The following CNTN5 variants were observed in gnomAD, a reference collection of about 807,000 sequenced individuals.
The protein encoded by CNTN5 is contactin-5.
Under a neutral mutation model 129.1 loss-of-function variants are expected in CNTN5, and 77 were observed. That is an observed-to-expected ratio of 0.60 (90% CI 0.50 to 0.72). The LOEUF is 0.72. CNTN5 is among the 30% of genes least tolerant of loss of function. The probability of loss-of-function intolerance (pLI) is 0.00; values close to 1 mark genes in which losing one functional copy is unlikely to be tolerated. For synonymous variants in CNTN5, 509 were observed against 465.6 expected (o/e 1.09, Z -1.20); for missense variants, 1,478 against 1,328.8 (o/e 1.11, Z -1.75).
chr11:99,846,240 C>T (rs1268064632), intron 6 of CNTN5, among the ~76,000 whole-genome samples: 1 of 150,504 alleles, frequency 6.6e-6, no homozygotes, highest in African/African-American at 2.4e-5. Flanking sequence ...TGCCTGTAGA[C>T]ACAGCTACCT....
chr11:100,283,304 C>A (rs1013425833), intron 18 of CNTN5, among the ~76,000 whole-genome samples: 3 of 152,092 alleles, frequency 2.0e-5, no homozygotes, highest in Non-Finnish European at 4.4e-5. Flanking sequence ...ATCCAAGAAG[C>A]AAGAAAAAGT....
At position 99,956,820 on chromosome 11, in the gene CNTN5, T is replaced by A; in HGVS notation, c.688T>A (p.Trp230Arg). 1 of 1,613,862 alleles carries A rather than the reference T, an allele frequency of 6.2e-7. No homozygotes were observed. The change falls in exon 8 of 25, where the codon TGG becomes AGG. Residue 230 changes from tryptophan (W) to arginine (R), a missense_variant. By Grantham distance (101) the Trp-to-Arg change is moderately radical. Transcript: ENST00000524871. ...PPHSPEIIYSWVFNEFPSFVA... is the reference protein window; with the variant it reads ...PPHSPEIIYSRVFNEFPSFVA... ...TGTATTTTCAGAGATCATCTATAGC[T>A]GGGTATTTAATGAGTTCCCTTCCTT...
At chr11:99,357,258 C>A (rs1404812647) in intron 2 of CNTN5, among the ~76,000 whole-genome samples, 1 of 152,206 alleles carries the variant, frequency 6.6e-6, no homozygotes, top group East Asian at 1.9e-4. Context: ...TTTTAAAATT[C>A]TCAGACTTCA....
chr11:99,991,913 C>T (rs951495783), intron 8 of CNTN5, among the ~76,000 whole-genome samples: 1 of 152,116 alleles, frequency 6.6e-6, no homozygotes, highest in Non-Finnish European at 1.5e-5. Context: ...GTGTCCATAC[C>T]AAGTTAATAA....
intron 3 of CNTN5, among the ~76,000 whole-genome samples, chr11:99,663,605 G>A (rs975174067): frequency 6.6e-6 from 1 of 152,188 alleles, no homozygotes; most frequent in Non-Finnish European, 1.5e-5. Context: ...CCAAGGGAGA[G>A]AGGGAGGTGA....
chr11:99,247,861 T>C (rs1028548089), intron 1 of CNTN5, among the ~76,000 whole-genome samples: 7 of 152,184 alleles, frequency 4.6e-5, no homozygotes, highest in Non-Finnish European at 8.8e-5. Flanking sequence ...CAGTCTATCA[T>C]TGTTGGACAT....
intron 6 of CNTN5, among the ~76,000 whole-genome samples, chr11:99,895,059 A>G (rs1949169647): frequency 6.6e-6 from 1 of 152,228 alleles, no homozygotes; most frequent in Non-Finnish European, 1.5e-5. Context: ...TCGCATTTGA[A>G]TTATATAACC....
In CNTN5 at chr11:99,811,784, A is replaced by G. The variant is rs78973438; in HGVS notation, c.56-7760A>G. Among the ~76,000 whole-genome samples the G allele has an allele frequency of 4.0e-3, 601 of 152,146 alleles. 9 individuals are homozygous for G. Among genetic ancestry groups the G allele is most frequent in the African/African-American group, 0.013 (538 of 41,520 alleles). ...ACCAGGTTAATTGAGTTTTATCACA[A>G]AATCTCTGGGCCACTTTAGAAATAA... On this transcript the variant is annotated intron_variant, in intron 3 of 24. Coordinates refer to ENST00000524871, the MANE Select transcript of CNTN5 (RefSeq NM_014361.4).
intron 1 of CNTN5, among the ~76,000 whole-genome samples, chr11:99,188,049 T>A (rs534372985): frequency 6.6e-6 from 1 of 151,986 alleles, no homozygotes; most frequent in South Asian, 2.1e-4. Context: ...AACACCATTC[T>A]GCACTTTTTA....
rs199969666 is a variant in CNTN5 at position 100,061,215 on chromosome 11, C to T, written c.984C>T (p.Pro328=). ...VKMECFALGN[P]VPTITWMKVN... ...GTATTTTTGTTCCCTATCGTAGCCCCGTTCCAACAATCACATGGATGAAGG... is the reference window on the plus strand; with the variant it reads ...GTATTTTTGTTCCCTATCGTAGCCCTGTTCCAACAATCACATGGATGAAGG... Residue 328 remains proline, a synonymous_variant, in exon 10 of 25, where the codon CCC becomes CCT. Coordinates refer to ENST00000524871, the MANE Select transcript of CNTN5 (RefSeq NM_014361.4). The T allele has an allele frequency of 3.5e-5, 56 of 1,606,578 alleles. No homozygotes were observed. The highest frequency in any genetic ancestry group is 2.7e-4 in the African/African-American group (20 of 74,912).
intron 2 of CNTN5, among the ~76,000 whole-genome samples, chr11:99,386,462 T>G (rs1037095320): frequency 1.3e-5 from 2 of 152,164 alleles, no homozygotes; most frequent in Non-Finnish European, 2.9e-5. Flanking sequence ...CTTCCTGACA[T>G]TGCCATGGCA....
At chr11:100,246,106 T>A in intron 16 of CNTN5, among the ~76,000 whole-genome samples, 1 of 152,244 alleles carries the variant, frequency 6.6e-6, no homozygotes, top group Non-Finnish European at 1.5e-5. Context: ...ATGTGATACA[T>A]GCGTTCTTGT....
rs982045697 is a variant in CNTN5 at position 99,123,172 on chromosome 11, A to G, written c.-210+101902A>G. Among the ~76,000 whole-genome samples, 4 of 152,108 alleles carry G rather than the reference A, an allele frequency of 2.6e-5. No individual in the cohort carries two copies. In the East Asian group the frequency reaches 7.7e-4, roughly 29 times the overall value. ...CTTACTTTCCCACCACCAGTGTATA[A>G]TAAGTGTTCCTTTTTCTCTGCAACC... On this transcript the variant is annotated intron_variant, in intron 1 of 24. Transcript: ENST00000524871.
At chr11:99,926,436 C>G (rs556709586) in intron 7 of CNTN5, among the ~76,000 whole-genome samples, 4 of 152,036 alleles carry the variant, frequency 2.6e-5, no homozygotes, top group Admixed American at 2.6e-4. Context: ...GAAATTGTTC[C>G]TTTAAAGCTA....
intron 20 of CNTN5, among the ~76,000 whole-genome samples, chr11:100,302,026 G>A (rs968911701): frequency 5.3e-5 from 8 of 151,536 alleles, no homozygotes; most frequent in Admixed American, 4.0e-4. Context: ...CTGAGTGAAA[G>A]AGTGAGACCT....
chr11:99,185,260 C>T (rs1858283256), intron 1 of CNTN5, among the ~76,000 whole-genome samples: 1 of 144,920 alleles, frequency 6.9e-6, no homozygotes, highest in Admixed American at 7.1e-5. Context: ...TATGAATAGG[C>T]TGATTAGGGT....
chr11:99,518,631 A>C (rs1030240744), intron 2 of CNTN5, among the ~76,000 whole-genome samples: 2 of 152,094 alleles, frequency 1.3e-5, no homozygotes. Flanking sequence ...GGCTATATTA[A>C]GTATTTAGTC....
chr11:99,496,498 A>G (rs908438038), intron 2 of CNTN5, among the ~76,000 whole-genome samples: 4 of 152,236 alleles, frequency 2.6e-5, no homozygotes, highest in Non-Finnish European at 5.9e-5. Flanking sequence ...AAAGAAATAC[A>G]GTTCAACTGT....
At chr11:99,309,960 G>A (rs1408390719) in intron 1 of CNTN5, among the ~76,000 whole-genome samples, 1 of 152,076 alleles carries the variant, frequency 6.6e-6, no homozygotes, top group African/African-American at 2.4e-5. Flanking sequence ...ACACAGATCA[G>A]CAGCTAAAAT....
Sources: gnomAD v4.1 joint callset for allele counts (sites outside exome capture counted in the v4.1 genomes callset) on GRCh38, gnomAD v4.1.1 for gene constraint, MANE v1.5 for transcripts, NCBI Gene and HGNC (gene_info 2026-07-23, HGNC 2026-07-21) for gene names.